PYROXD2: variants seen among roughly 807,000 people sequenced by gnomAD.
The protein encoded by PYROXD2 is pyridine nucleotide-disulfide oxidoreductase domain-containing protein 2.
A neutral mutation model predicts 71.1 loss-of-function variants in PYROXD2; 69 were observed. That is an observed-to-expected ratio of 0.97 (90% CI 0.80 to 1.19). The LOEUF (loss-of-function observed/expected upper bound fraction) is 1.19. Among genes scored for constraint, PYROXD2 ranks in the 50% most tolerant of loss-of-function variants. The pLI, the probability that PYROXD2 is intolerant of heterozygous loss-of-function variation, is 0.00. For synonymous variants in PYROXD2, 287 were observed against 302.7 expected, an observed-to-expected ratio of 0.95 and a Z score of 0.54; for missense variants, 745 against 748.9, an observed-to-expected ratio of 0.99 and a Z score of 0.06.
In PYROXD2 at chr10:98,385,006, T is replaced by C. The variant is rs777564252; in HGVS notation, c.1616A>G (p.His539Arg). The change falls in exon 15 of 16, where the codon CAT becomes CGT. Residue 539 changes from histidine to arginine, a missense_variant. Physicochemically the swap from His to Arg is conservative, Grantham distance 29. Transcript: ENST00000370575. Reference protein sequence around the residue: ...QLYFARPVPLHSGYRCPLQGL... With the variant: ...QLYFARPVPLRSGYRCPLQGL... ...CTGGAGAGGGCAGCGGTAGCCAGAA[T>C]GCAGGGGCACGGGGCGGGCGAAGTA... is the stretch of plus-strand genomic sequence containing the variant. 35 of 1,613,900 alleles carry C rather than the reference T, an allele frequency of 2.2e-5. No homozygotes were observed. The highest frequency in any genetic ancestry group is 6.6e-5 in the South Asian group (6 of 91,038).
At chr10:98,410,778 C>T in intron 2 of PYROXD2, 161 bp downstream of exon 2, 1 of 1,065,772 alleles carries the variant, frequency 9.4e-7, no homozygotes. Flanking sequence ...GCATTCGACC[C>T]AGCCCCCAGT....
chr10:98,393,006 C>T lies in PYROXD2; in HGVS notation c.863G>A (p.Gly288Asp). Residue 288 changes from glycine to aspartate, a missense_variant, in exon 9 of 16, where the codon GGT becomes GAT. Coordinates refer to ENST00000370575, the MANE Select transcript of PYROXD2 (RefSeq NM_032709.3). Reference sequence around the variant, plus strand: ...GCTTGCGATCGCATCAGAGAGGGCACCCATGCCCCCCTGGACGTAGCCCCA... The same window carrying T: ...GCTTGCGATCGCATCAGAGAGGGCATCCATGCCCCCCTGGACGTAGCCCCA... ...GAWGYVQGGM[G>D]ALSDAIASSA... 6.2e-7 allele frequency: 1 copy of T among 1,612,530 alleles called. No homozygotes were observed. Among genetic ancestry groups the T allele is most frequent in the Non-Finnish European group, 8.5e-7 (1 of 1,178,684 alleles).
At chr10:98,395,565 T>A in intron 6 of PYROXD2, 113 bp from the exon 7 acceptor site, 1 of 880,566 alleles carries the variant, frequency 1.1e-6, no homozygotes, top group Non-Finnish European at 1.9e-6. Context: ...CAGGAGGTGG[T>A]ATAGCACAGC....
chr10:98,407,178 G>A (rs1310033585), intron 4 of PYROXD2, among the ~76,000 whole-genome samples: 1 of 152,042 alleles, frequency 6.6e-6, no homozygotes, highest in Non-Finnish European at 1.5e-5. Context: ...AGCCAGAAAA[G>A]TCCCCAGGCC....
At chr10:98,397,948 T>C (rs1170188625) in intron 5 of PYROXD2, among the ~76,000 whole-genome samples, 1 of 147,724 alleles carries the variant, frequency 6.8e-6, no homozygotes, top group Non-Finnish European at 1.5e-5. Context: ...AGTGGTGCGA[T>C]GTCGGCTCAC....
At chr10:98,386,573 A>C (rs905207465) in intron 14 of PYROXD2, among the ~76,000 whole-genome samples, 1 of 148,018 alleles carries the variant, frequency 6.8e-6, no homozygotes, top group African/African-American at 2.5e-5. Flanking sequence ...CTTTCTAGAG[A>C]TAGGGTCTCA....
intron 5 of PYROXD2, 55 bp downstream of exon 5, chr10:98,400,047 C>T (rs1450486894): frequency 7.6e-6 from 12 of 1,586,148 alleles, no homozygotes; most frequent in Non-Finnish European, 1.0e-5. Context: ...TCCAACCAGG[C>T]CCATCTCTAG....
At chr10:98,410,577 C>T (rs953879413) in intron 2 of PYROXD2, 2 of 290,846 alleles carry the variant, frequency 6.9e-6, no homozygotes, top group Non-Finnish European at 1.3e-5. Context: ...CAAGGGCCCC[C>T]ACCCCGCCCC....
chr10:98,410,358 G>A (rs1843744031), intron 2 of PYROXD2, among the ~76,000 whole-genome samples: 2 of 152,220 alleles, frequency 1.3e-5, no homozygotes, highest in Non-Finnish European at 2.9e-5. Context: ...CATAAGCTAA[G>A]GATAGCTCTG....
chr10:98,405,553 C>T (rs2136013434), intron 4 of PYROXD2, among the ~76,000 whole-genome samples: 1 of 152,326 alleles, frequency 6.6e-6, no homozygotes, highest in East Asian at 1.9e-4. Flanking sequence ...GAGGCAGCTG[C>T]TGTTACTATT....
At position 98,392,498 on chromosome 10, in the gene PYROXD2, C is replaced by A; in HGVS notation, c.996G>T (p.Glu332Asp). The A allele has an allele frequency of 6.2e-7, 1 of 1,613,846 alleles. No homozygotes were observed. Among genetic ancestry groups the A allele is most frequent in the Non-Finnish European group, 8.5e-7 (1 of 1,180,046 alleles). ...VQGVVLEDGTEVRSKMVLSNT... is the reference protein window; with the variant it reads ...VQGVVLEDGTDVRSKMVLSNT... Reference sequence around the variant, plus strand: ...TGGACAGCACCATTTTGCTTCTCACCTCTGTGCCATCTTCCAGCACAACTC... The same window carrying A: ...TGGACAGCACCATTTTGCTTCTCACATCTGTGCCATCTTCCAGCACAACTC... The change falls in exon 10 of 16, where the codon GAG becomes GAT. Residue 332 changes from glutamate (E) to aspartate (D), a missense_variant. By Grantham distance (45) the Glu-to-Asp change is conservative (BLOSUM62 2). Transcript: ENST00000370575.
At chr10:98,408,521 C>T (rs1843686383) in intron 2 of PYROXD2, among the ~76,000 whole-genome samples, 1 of 152,132 alleles carries the variant, frequency 6.6e-6, no homozygotes, top group South Asian at 2.1e-4. Flanking sequence ...CCCGGCTTTA[C>T]CCACTTCATA....
At chr10:98,385,531 T>G (rs750592853) in intron 14 of PYROXD2, among the ~76,000 whole-genome samples, 7 of 152,234 alleles carry the variant, frequency 4.6e-5, no homozygotes, top group Non-Finnish European at 8.8e-5. Context: ...TCTGCCCCCC[T>G]GGCTTGGGTG....
intron 12 of PYROXD2, 142 bp from the exon 13 acceptor site, chr10:98,388,650 C>G: frequency 3.1e-6 from 3 of 982,124 alleles, no homozygotes; most frequent in Non-Finnish European, 4.3e-6. Context: ...AGTGGTTGTC[C>G]ACCTGCACGG....
At chr10:98,386,486 T>C (rs749244633) in intron 14 of PYROXD2, among the ~76,000 whole-genome samples, 1 of 152,212 alleles carries the variant, frequency 6.6e-6, no homozygotes, top group Non-Finnish European at 1.5e-5. Flanking sequence ...CATTTTTTTC[T>C]ATACTGTGTG....
chr10:98,407,788 TG>T lies in PYROXD2; in HGVS notation c.241+115del, dbSNP rs2136023198. ...GACCGTCACCCGGGGTCAGCAGGGATGGAGACCGTCACCCGGGGTCAGCAGG... is the reference window on the plus strand; with the variant it reads ...GACCGTCACCCGGGGTCAGCAGGGATGAGACCGTCACCCGGGGTCAGCAGG... On this transcript the variant is annotated intron_variant, in intron 3 of 15. Coordinates refer to ENST00000370575, the MANE Select transcript of PYROXD2 (RefSeq NM_032709.3). 2.9e-6 allele frequency: 3 copies of T among 1,047,202 alleles called. 1 individual carries two copies. Among genetic ancestry groups the T allele is most frequent in the Non-Finnish European group, 3.9e-6 (3 of 760,822 alleles). 64.9% of individuals were successfully genotyped at this position (1,047,202 alleles called of 1,614,324 possible).
intron 2 of PYROXD2, among the ~76,000 whole-genome samples, chr10:98,409,860 C>T (rs1450398012): frequency 6.6e-6 from 1 of 152,096 alleles, no homozygotes; most frequent in Non-Finnish European, 1.5e-5. Context: ...GGCGGGTCAC[C>T]TGAGATCAGG....
At chr10:98,400,859 C>A (rs887613701) in intron 4 of PYROXD2, among the ~76,000 whole-genome samples, 4 of 152,324 alleles carry the variant, frequency 2.6e-5, no homozygotes, top group Admixed American at 2.6e-4. Flanking sequence ...GATAGCCTAC[C>A]ACACATAGGC....
intron 15 of PYROXD2, 134 bp downstream of exon 15, chr10:98,384,813 C>T: frequency 7.7e-7 from 1 of 1,299,700 alleles, no homozygotes. Context: ...GAACACAGGG[C>T]AGCTTATGTT....
Sources: gnomAD v4.1 joint callset for allele counts (sites outside exome capture counted in the v4.1 genomes callset) on GRCh38, gnomAD v4.1.1 for gene constraint, MANE v1.5 for transcripts, NCBI Gene and HGNC (gene_info 2026-07-23, HGNC 2026-07-21) for gene names.